CHST9: variants seen among roughly 807,000 people sequenced by gnomAD.
The protein encoded by CHST9 is GalNAc-4-sulfotransferase 2.
Under a neutral mutation model 44.4 loss-of-function variants are expected in CHST9, and 41 were observed. The observed-to-expected ratio is 0.92, with a 90% confidence interval of 0.72 to 1.20. CHST9 has a LOEUF of 1.20. CHST9 is among the 50% of genes most tolerant of loss of function. The pLI, the probability that CHST9 is intolerant of heterozygous loss-of-function variation, is 0.00. For synonymous variants in CHST9, 171 were observed against 178.4 expected (o/e 0.96, Z 0.33); for missense variants, 504 against 516.5 (o/e 0.98, Z 0.23).
chr18:27,043,044 C>T (rs150879570), intron 3 of CHST9, among the ~76,000 whole-genome samples: 1 of 152,042 alleles, frequency 6.6e-6, no homozygotes, highest in East Asian at 1.9e-4. Context: ...TTGACCAGTC[C>T]CTCCTTTTAA....
intron 2 of CHST9, among the ~76,000 whole-genome samples, chr18:27,123,886 C>T (rs188175547): frequency 6.6e-6 from 1 of 152,316 alleles, no homozygotes; most frequent in Non-Finnish European, 1.5e-5. Flanking sequence ...CACAGACCCA[C>T]CTCTCTCAGG....
intron 4 of CHST9, among the ~76,000 whole-genome samples, chr18:26,947,840 G>A (rs577909064): frequency 4.6e-5 from 7 of 152,268 alleles, no homozygotes; most frequent in African/African-American, 4.8e-5. Context: ...ACAATGTGGC[G>A]ACTCCTCAAG....
intron 5 of CHST9, among the ~76,000 whole-genome samples, chr18:26,918,934 T>G (rs1377026796): frequency 1.3e-5 from 2 of 152,008 alleles, no homozygotes; most frequent in African/African-American, 2.4e-5. Context: ...AAAAAGATGT[T>G]TAATGAACTC....
At position 27,004,190 on chromosome 18, in the gene CHST9, A is replaced by G. The variant is rs534640132; in HGVS notation, c.202+19926T>C. Among the ~76,000 whole-genome samples, 3 of 152,166 alleles carry G rather than the reference A, an allele frequency of 2.0e-5. No individual in the cohort carries two copies. In the South Asian group the frequency reaches 6.2e-4, roughly 32 times the overall value. ...ACAGAATGAAAGATAGGCTTGTAAA[A>G]AGGAAGAGCAAATTACTGCGAGCAA... On this transcript the variant is annotated intron_variant, in intron 4 of 5. Coordinates refer to ENST00000618847, the MANE Select transcript of CHST9 (RefSeq NM_031422.6).
chr18:27,053,262 G>GAAGAAGA (rs772678534), intron 2 of CHST9, among the ~76,000 whole-genome samples: 800 of 45,140 alleles, frequency 0.018, 9 homozygotes, highest in Non-Finnish European at 0.022. Context: ...GAAGAAGAAG[G>GAAGAAGA]AGAAGGAGAA....
intron 4 of CHST9, among the ~76,000 whole-genome samples, chr18:27,013,729 A>T (rs1055521991): frequency 2.0e-5 from 3 of 152,228 alleles, no homozygotes; most frequent in African/African-American, 4.8e-5. Flanking sequence ...ACATTTTGTT[A>T]TGTCACAGAA....
Position 26,909,046 on chromosome 18 carries a change from A to G in CHST9, c.*7213T>C, listed in dbSNP as rs1381199753. 6.6e-6 allele frequency: 1 copy of G among 152,218 alleles called. No individual in the cohort carries two copies. The highest frequency in any genetic ancestry group is 1.5e-5 in the Non-Finnish European group (1 of 68,042). 9.4% of individuals were successfully genotyped at this position (152,218 alleles called of 1,614,324 possible). Reference sequence around the variant, plus strand: ...AACAGAGGAAAGTTTCCATTTCCCCATTTCATTCTGAAAGCTTTCAAAAAG... The same window carrying G: ...AACAGAGGAAAGTTTCCATTTCCCCGTTTCATTCTGAAAGCTTTCAAAAAG... On this transcript the variant is annotated 3_prime_UTR_variant, in exon 6 of 6. Transcript: ENST00000618847.
chr18:26,929,108 A>G (rs1046919887), intron 5 of CHST9, among the ~76,000 whole-genome samples: 2 of 152,296 alleles, frequency 1.3e-5, no homozygotes, highest in African/African-American at 4.8e-5. Context: ...TTCCTTTGGA[A>G]GTGTCCATGG....
intron 5 of CHST9, among the ~76,000 whole-genome samples, chr18:26,939,581 C>T (rs2056051417): frequency 6.6e-6 from 1 of 152,178 alleles, no homozygotes; most frequent in Admixed American, 6.5e-5. Flanking sequence ...TACTATATGT[C>T]GAACTATTTC....
At chr18:27,125,270 G>A (rs945077321) in intron 2 of CHST9, among the ~76,000 whole-genome samples, 10 of 152,152 alleles carry the variant, frequency 6.6e-5, no homozygotes, top group African/African-American at 2.4e-4. Context: ...AGTTATAAAA[G>A]TAATTTGAAA....
chr18:26,995,062 T>C (rs1043417803), intron 4 of CHST9, among the ~76,000 whole-genome samples: 2 of 151,898 alleles, frequency 1.3e-5, no homozygotes, highest in Non-Finnish European at 2.9e-5. Flanking sequence ...GAGGGTCCCA[T>C]GTGACTGAGA....
At chr18:27,074,318 C>T (rs545811701) in intron 2 of CHST9, among the ~76,000 whole-genome samples, 2 of 152,170 alleles carry the variant, frequency 1.3e-5, no homozygotes, top group South Asian at 2.1e-4. Flanking sequence ...TATCTGAATC[C>T]ACATGAATAC....
intron 5 of CHST9, chr18:26,930,803 G>A (rs1316652638): frequency 2.6e-5 from 4 of 153,814 alleles, no homozygotes. Flanking sequence ...AGGGGCACCT[G>A]CCACCAGCAG....
At chr18:27,058,306 T>C (rs955074800) in intron 2 of CHST9, among the ~76,000 whole-genome samples, 2 of 152,194 alleles carry the variant, frequency 1.3e-5, no homozygotes, top group Non-Finnish European at 2.9e-5. Flanking sequence ...GTGTTTATTA[T>C]ATTGAGAAAA....
At chr18:27,046,254 C>T (rs573840436) in intron 3 of CHST9, among the ~76,000 whole-genome samples, 12 of 152,108 alleles carry the variant, frequency 7.9e-5, no homozygotes, top group African/African-American at 2.6e-4. Flanking sequence ...TTCTGTGTAG[C>T]TTTCATCTTA....
rs543562350 is a variant in CHST9, at chr18:27,162,799, T to C, written c.-96-19894A>G. Among the ~76,000 whole-genome samples the C allele has an allele frequency of 1.7e-4, 26 of 152,356 alleles. No homozygotes were observed. In the South Asian group the frequency reaches 5.0e-3, roughly 29 times the overall value. ...GGAGTAGTTTGATCGTCTGAAGCCT[T>C]CTTCTCTCAAGTCGTCAAAGTCATT... On this transcript the variant is annotated intron_variant, in intron 1 of 5. Coordinates refer to ENST00000618847, the MANE Select transcript of CHST9 (RefSeq NM_031422.6).
intron 1 of CHST9, among the ~76,000 whole-genome samples, chr18:27,169,564 C>T (rs2044104233): frequency 6.7e-6 from 1 of 148,426 alleles, no homozygotes; most frequent in Admixed American, 6.7e-5. Flanking sequence ...ACACATAGTA[C>T]ACTATTTCCA....
chr18:27,090,321 A>G (rs2058055902), intron 2 of CHST9, among the ~76,000 whole-genome samples: 1 of 151,850 alleles, frequency 6.6e-6, no homozygotes, highest in Admixed American at 6.6e-5. Flanking sequence ...AATTTGCTTG[A>G]GTTCTTTGTA....
At chr18:27,103,519 T>C (rs1284848703) in intron 2 of CHST9, among the ~76,000 whole-genome samples, 1 of 152,216 alleles carries the variant, frequency 6.6e-6, no homozygotes, top group Non-Finnish European at 1.5e-5. Context: ...CAATGGTATC[T>C]GGCAATCCAG....
Sources: allele counts gnomAD v4.1 joint callset (sites outside exome capture counted in the v4.1 genomes callset), GRCh38; gene constraint gnomAD v4.1.1; transcripts MANE v1.5; gene names NCBI Gene and HGNC (gene_info 2026-07-23, HGNC 2026-07-21).